The following ZSCAN18 variants were observed in gnomAD, a reference collection of about 807,000 sequenced individuals.
The protein encoded by ZSCAN18 is zinc finger and SCAN domain containing 18, also known as zinc finger and SCAN domain-containing protein 18.
In ZSCAN18, 16 loss-of-function variants were observed where a neutral mutation model predicts 31.1. The observed-to-expected ratio is 0.51, with a 90% CI of 0.35 to 0.78. The LOEUF is 0.78. ZSCAN18 is among the 30% of genes least tolerant of loss of function. The pLI, the probability that ZSCAN18 is intolerant of heterozygous loss-of-function variation, is 0.01. For missense variants in ZSCAN18, 731 were observed against 697.4 expected (o/e 1.05, Z -0.54); for synonymous variants, 375 against 320.7 (o/e 1.17, Z -1.81).
intron 1 of ZSCAN18, among the ~76,000 whole-genome samples, chr19:58,097,464 G>A (rs1001311125): frequency 6.6e-6 from 1 of 151,976 alleles, no homozygotes; most frequent in African/African-American, 2.4e-5. Context: ...GGTCTCCGGG[G>A]TGGGCGCAGA....
At chr19:58,105,400 G>T (rs2074627135) in intron 1 of ZSCAN18, among the ~76,000 whole-genome samples, 1 of 152,206 alleles carries the variant, frequency 6.6e-6, no homozygotes, top group African/African-American at 2.4e-5. Flanking sequence ...AGGCGCAGTG[G>T]CCTGTAATCC....
In ZSCAN18 at chr19:58,085,311, C is replaced by G. The variant is rs779913340; in HGVS notation, c.907G>C (p.Glu303Gln). ...CCAGGGGGCGCCTCCGTAGGCAGCT[C>G]AGGCAGCACCCCCGCGGGGGCGGCC... Reference protein sequence around the residue: ...EEAAPAGVLPELPTEAPPGDA... With the variant: ...EEAAPAGVLPQLPTEAPPGDA... Residue 303 changes from glutamate to glutamine, a missense_variant, in exon 7 of 7, where the codon GAG (glutamate) becomes CAG (glutamine). This residue lies in a region of ZSCAN18 where 597 missense variants were observed against 499.5 expected (regional missense o/e 1.20). Transcript: ENST00000601144. The G allele has an allele frequency of 6.3e-7, 1 of 1,598,266 alleles. No individual in the cohort carries two copies. The highest frequency in any genetic ancestry group is 1.7e-5 in the Admixed American group (1 of 59,736).
intron 1 of ZSCAN18, among the ~76,000 whole-genome samples, chr19:58,104,887 G>A (rs1023205772): frequency 1.3e-5 from 2 of 152,184 alleles, no homozygotes; most frequent in African/African-American, 2.4e-5. Context: ...GAGGAAGGTC[G>A]CTACAGTAGA....
At chr19:58,116,201 A>G (rs2074728933) in intron 1 of ZSCAN18, among the ~76,000 whole-genome samples, 1 of 147,158 alleles carries the variant, frequency 6.8e-6, no homozygotes, top group Non-Finnish European at 1.5e-5. Context: ...AAAACTCTAA[A>G]AAAAACCCCC....
chr19:58,111,237 T>C (rs1047091738), intron 1 of ZSCAN18, among the ~76,000 whole-genome samples: 5 of 152,170 alleles, frequency 3.3e-5, no homozygotes, highest in African/African-American at 2.4e-5. Context: ...ACTGCTTTGA[T>C]TGGCCCTGAA....
At chr19:58,116,464 A>C (rs1191431081) in intron 1 of ZSCAN18, among the ~76,000 whole-genome samples, 6 of 152,008 alleles carry the variant, frequency 3.9e-5, no homozygotes, top group Admixed American at 3.3e-4. Context: ...GGAATAGGCA[A>C]AGAACTGCAG....
At chr19:58,098,633 AC>A (rs925849172), upstream of ZSCAN18, among the ~76,000 whole-genome samples, 30 of 152,308 alleles carry the variant, frequency 2.0e-4, no homozygotes, top group African/African-American at 6.7e-4. Flanking sequence ...AAAGGGAGAG[AC>A]CAGCTCACGG....
chr19:58,087,368 C>G lies in ZSCAN18; in HGVS notation c.590G>C (p.Arg197Thr), dbSNP rs1460054648. The G allele has an allele frequency of 5.0e-6, 8 of 1,607,194 alleles. No homozygotes were observed. Among genetic ancestry groups the G allele is most frequent in the Non-Finnish European group, 5.9e-6 (7 of 1,176,828 alleles). ...LSPDPLFLEQRRVREAKTEED... is the reference protein window; with the variant it reads ...LSPDPLFLEQTRVREAKTEED... ...TTCGGTCTTTGCTTCTCTGACCCTC[C>G]TCTGTTCCAGAAACAGGGGGTCCGG... Residue 197 changes from arginine (R) to threonine (T), a missense_variant, in exon 4 of 7, where the codon AGG becomes ACG. Physicochemically the swap from Arg to Thr is moderately conservative, Grantham distance 71. This residue lies in a region of ZSCAN18 where 597 missense variants were observed against 499.5 expected (regional missense o/e 1.20). Coordinates refer to ENST00000601144, the MANE Select transcript of ZSCAN18 (RefSeq NM_001145543.2).
chr19:58,087,473 A>G, intron 3 of ZSCAN18, 69 bp from the exon 4 acceptor site: 1 of 1,416,264 alleles, frequency 7.1e-7, no homozygotes, highest in South Asian at 1.3e-5. Context: ...AGGGTCAAGG[A>G]GCCCCCGCTG....
rs1481113444 is a variant in ZSCAN18 at position 58,089,930 on chromosome 19, T to C, written c.338A>G (p.Tyr113Cys). The C allele has an allele frequency of 6.2e-7, 1 of 1,614,120 alleles. No individual in the cohort carries two copies. The highest frequency in any genetic ancestry group is 1.3e-5 in the African/African-American group (1 of 75,066). ...GGCTGCCTTCTTGCAGCTCTCAGGG[T>C]ACTGTGCCACCACCCAGGGCCGGAC... ...DKVRPWVVAQ[Y>C]PESCKKAASL... is the part of the protein sequence containing the mutation. Residue 113 changes from tyrosine to cysteine, a missense_variant, in exon 2 of 7, where the codon TAC (tyrosine) becomes TGC (cysteine). Physicochemically the swap from Tyr to Cys is radical, Grantham distance 194. Around this residue, in one of 4 missense-constraint regions of ZSCAN18, gnomAD observed 46 missense variants for 60.6 expected, o/e 0.76. Coordinates refer to ENST00000601144, the MANE Select transcript of ZSCAN18 (RefSeq NM_001145543.2).
chr19:58,085,888 C>T (rs1391831241), intron 6 of ZSCAN18: 2 of 398,366 alleles, frequency 5.0e-6, no homozygotes, highest in East Asian at 4.2e-5. Context: ...TGGCACAGAG[C>T]CTCCAATGGG....
intron 1 of ZSCAN18, among the ~76,000 whole-genome samples, chr19:58,094,410 CAA>C (rs563713590): frequency 9.9e-5 from 10 of 101,448 alleles, no homozygotes; most frequent in Admixed American, 1.1e-4. Context: ...GACTCTGTCT[CAA>C]AAAAAAAAAA....
rs1391539007 is a variant in ZSCAN18 at position 58,085,103 on chromosome 19, G to A, written c.1115C>T (p.Pro372Leu). ...CTGCCCGTCCCCATCCTCGGGGTGC[G>A]GCCTCTTGGTTCCCAGTTTCGCCGT... Reference protein sequence around the residue: ...RGTAKLGTKRPHPEDGDGQSL... With the variant: ...RGTAKLGTKRLHPEDGDGQSL... Residue 372 changes from proline to leucine, a missense_variant, in exon 7 of 7, where the codon CCG becomes CTG. Around this residue, in one of 4 missense-constraint regions of ZSCAN18, gnomAD observed 597 missense variants for 499.5 expected, o/e 1.20. Coordinates refer to ENST00000601144, the MANE Select transcript of ZSCAN18 (RefSeq NM_001145543.2). 1.2e-6 allele frequency: 2 copies of A among 1,606,908 alleles called. No individual in the cohort carries two copies. Among genetic ancestry groups the A allele is most frequent in the Admixed American group, 1.7e-5 (1 of 59,510 alleles).
chr19:58,108,650 C>T (rs757032625), intron 1 of ZSCAN18: 11 of 985,416 alleles, frequency 1.1e-5, no homozygotes, highest in East Asian at 1.1e-4. Context: ...TTCGGTCTAA[C>T]GGACAGTCCA....
chr19:58,089,521 G>A (rs1184803465), intron 2 of ZSCAN18, among the ~76,000 whole-genome samples: 1 of 152,122 alleles, frequency 6.6e-6, no homozygotes, highest in African/African-American at 2.4e-5. Flanking sequence ...AGCTACTTGG[G>A]AGGCTGAGGC....
intron 1 of ZSCAN18, among the ~76,000 whole-genome samples, chr19:58,094,877 CAAAAAAAAAAAAAAAA>C (rs56377325): frequency 1.7e-4 from 6 of 35,276 alleles, no homozygotes; most frequent in African/African-American, 4.1e-4. Flanking sequence ...GACCCTGTCG[CAAAAAAAAAAAAAAAA>C]AAAAAAAAAA....
At position 58,084,858 on chromosome 19, in the gene ZSCAN18, G is replaced by A; in HGVS notation, c.1360C>T (p.Leu454=). 2 of 1,600,672 alleles carry A rather than the reference G, an allele frequency of 1.2e-6. No individual in the cohort carries two copies. The highest frequency in any genetic ancestry group is 1.7e-6 in the Non-Finnish European group (2 of 1,175,238). ...QGCWKTFHFS[L]ALAEHQKTHE... ...GTCTTCTGGTGCTCGGCTAGGGCCA[G>A]GCTGAAGTGGAAGGTCTTCCAGCAG... Residue 454 remains leucine, a synonymous_variant, in exon 7 of 7, where the codon CTG becomes TTG. Coordinates refer to ENST00000601144, the MANE Select transcript of ZSCAN18 (RefSeq NM_001145543.2). The surrounding 1 kb of genome is among the most constrained non-coding windows in gnomAD (Gnocchi z 4.5).
upstream of ZSCAN18, among the ~76,000 whole-genome samples, chr19:58,099,440 T>C (rs1022341976): frequency 1.3e-5 from 2 of 152,206 alleles, no homozygotes; most frequent in Non-Finnish European, 2.9e-5. Flanking sequence ...GTTCATTCCA[T>C]TTTATTGAGA....
In ZSCAN18 at chr19:58,087,607, C is replaced by T. The variant is rs1242271922; in HGVS notation, c.554-203G>A. The T allele has an allele frequency of 7.2e-6, 4 of 557,494 alleles. No individual in the cohort carries two copies. The Admixed American group carries it at 1.3e-4, about 19-fold the overall frequency. The allele number at this position is 557,494 out of a possible 1,614,324, so 34.5% of individuals were successfully genotyped here. ...AGGGCTTGGGTGGCCCCAGAGATGCCCATTCAAGTCCACTGGATTCATGGA... is the reference window on the plus strand; with the variant it reads ...AGGGCTTGGGTGGCCCCAGAGATGCTCATTCAAGTCCACTGGATTCATGGA... On this transcript the variant is annotated intron_variant, in intron 3 of 6. Transcript: ENST00000601144.
Sources: gnomAD v4.1 joint callset for allele counts (sites outside exome capture counted in the v4.1 genomes callset) on GRCh38, gnomAD v4.1.1 for gene constraint, gnomAD v4.1.1 regional missense constraint, Gnocchi (gnomAD v3.1) non-coding constraint, MANE v1.5 for transcripts, NCBI Gene and HGNC (gene_info 2026-07-23, HGNC 2026-07-21) for gene names.